Variants in PIK3C2G observed in about 807,000 individuals in gnomAD.
PIK3C2G encodes phosphatidylinositol-4-phosphate 3-kinase catalytic subunit type 2 gamma.
Under a neutral mutation model 181.1 loss-of-function variants are expected in PIK3C2G, and 168 were observed. That is an observed-to-expected ratio of 0.93 (90% CI 0.82 to 1.05). PIK3C2G has a LOEUF of 1.05. Ranked by LOEUF, PIK3C2G falls within the 50% of genes least tolerant of loss-of-function variation. PIK3C2G has a pLI of 0.00. For synonymous variants in PIK3C2G, 573 were observed against 592.2 expected (o/e 0.97, Z 0.47); for missense variants, 1,869 against 1,732.8 (o/e 1.08, Z -1.40).
At chr12:18,443,473 A>G (rs773774661) in intron 18 of PIK3C2G, among the ~76,000 whole-genome samples, 1 of 152,076 alleles carries the variant, frequency 6.6e-6, no homozygotes, top group Non-Finnish European at 1.5e-5. Context: ...TTCATTTTAC[A>G]GCACACAGGA....
chr12:18,297,359 G>T (rs1290451581), intron 5 of PIK3C2G, among the ~76,000 whole-genome samples: 2 of 151,990 alleles, frequency 1.3e-5, no homozygotes, highest in African/African-American at 4.8e-5. Context: ...AACCACTCCA[G>T]TGATTTGTTT....
chr12:18,275,734 C>T (rs1186181546), intron 1 of PIK3C2G, among the ~76,000 whole-genome samples: 2 of 152,128 alleles, frequency 1.3e-5, no homozygotes, highest in Non-Finnish European at 2.9e-5. Flanking sequence ...TTGGCCTTGG[C>T]TTTGCCAAAT....
At chr12:18,440,994 G>T (rs1188639278) in intron 18 of PIK3C2G, among the ~76,000 whole-genome samples, 2 of 152,070 alleles carry the variant, frequency 1.3e-5, no homozygotes, top group East Asian at 1.9e-4. Flanking sequence ...GAAAGGAAAA[G>T]AAGTCCAAAT....
intron 31 of PIK3C2G, among the ~76,000 whole-genome samples, chr12:18,623,717 C>T (rs1208496264): frequency 6.6e-6 from 1 of 151,540 alleles, no homozygotes; most frequent in Non-Finnish European, 1.5e-5. Context: ...AAATTTTTTC[C>T]ATTAATGTTT....
the PIK3C2G span, among the ~76,000 whole-genome samples, chr12:18,706,244 A>T: frequency 7.3e-6 from 1 of 136,582 alleles, no homozygotes; most frequent in Admixed American, 7.2e-5. Context: ...AAATAAAAAT[A>T]AAAAAAAAAA....
At chr12:18,547,725 G>T (rs537980319) in intron 26 of PIK3C2G, among the ~76,000 whole-genome samples, 1 of 152,080 alleles carries the variant, frequency 6.6e-6, no homozygotes, top group Admixed American at 6.6e-5. Flanking sequence ...GAGTCCAGCA[G>T]GTTGTCTTAG....
At chr12:18,440,644 A>G (rs1292314824) in intron 18 of PIK3C2G, among the ~76,000 whole-genome samples, 2 of 152,064 alleles carry the variant, frequency 1.3e-5, no homozygotes, top group African/African-American at 4.8e-5. Flanking sequence ...TGTTGGGAGG[A>G]CAACAATGGG....
chr12:18,284,355 C>A (rs1345998774), intron 2 of PIK3C2G, among the ~76,000 whole-genome samples: 1 of 151,830 alleles, frequency 6.6e-6, no homozygotes, highest in Non-Finnish European at 1.5e-5. Flanking sequence ...CTAACAACAA[C>A]AAAAATTCAG....
the PIK3C2G span, among the ~76,000 whole-genome samples, chr12:18,689,065 G>A: frequency 6.6e-6 from 1 of 152,100 alleles, no homozygotes; most frequent in Admixed American, 6.6e-5. Flanking sequence ...TACGGCATTA[G>A]CTAGAAGCCA....
chr12:18,516,880 T>G (rs1001020767), intron 24 of PIK3C2G, among the ~76,000 whole-genome samples: 2 of 151,988 alleles, frequency 1.3e-5, no homozygotes, highest in Non-Finnish European at 2.9e-5. Context: ...TTTATTTATA[T>G]TTTTTAAACA....
Position 18,442,786 on chromosome 12 carries a change from C to T in PIK3C2G, c.2504+18747C>T, listed in dbSNP as rs1486131629. 3.3e-5 allele frequency among the ~76,000 whole-genome samples: 5 copies of T among 152,080 alleles called. No individual in the cohort carries two copies. In the East Asian group the frequency reaches 5.8e-4, roughly 18 times the overall value. On this transcript the variant is annotated intron_variant, in intron 18 of 32. Coordinates refer to ENST00000538779, the MANE Select transcript of PIK3C2G (RefSeq NM_001288772.2). ...CTTTTAAAATGATTAGAAAATTATG[C>T]ATCTTTTTATGCATACATTTTTATA... is the stretch of plus-strand genomic sequence containing the variant.
upstream of PIK3C2G, among the ~76,000 whole-genome samples, chr12:18,247,010 A>G (rs907978727): frequency 7.9e-5 from 4 of 50,420 alleles, no homozygotes; most frequent in Admixed American, 4.0e-4. Flanking sequence ...AAGGAAAATC[A>G]TATGTTATAT....
At position 18,423,892 on chromosome 12, in the gene PIK3C2G, T is replaced by C. The variant is rs1945631949; in HGVS notation, c.2410-53T>C. 7.4e-6 allele frequency: 8 copies of C among 1,079,006 alleles called. 1 individual carries two copies. Among genetic ancestry groups the C allele is most frequent in the Non-Finnish European group, 1.1e-5 (8 of 709,194 alleles). 66.8% of individuals were successfully genotyped at this position (1,079,006 alleles called of 1,614,324 possible). The stretch of plus-strand genomic sequence containing the variant: ...CTCAAGCCTCTGAAGTCCCTCTGTA[T>C]TCTGCTATAATTTTGTTACTGAGAA... On this transcript the variant is annotated intron_variant, in intron 17 of 32. Transcript: ENST00000538779.
chr12:18,582,064 G>T (rs1946527818), intron 29 of PIK3C2G, among the ~76,000 whole-genome samples: 1 of 152,116 alleles, frequency 6.6e-6, no homozygotes, highest in Non-Finnish European at 1.5e-5. Context: ...AGCAAAAATG[G>T]GTATGATTAG....
At chr12:18,684,177 T>C in the PIK3C2G span, 6 of 1,612,146 alleles carry the variant, frequency 3.7e-6, no homozygotes, top group South Asian at 3.3e-5. Context: ...AAGAAATTCA[T>C]TTCCTGCTAT....
At position 18,648,094 on chromosome 12, in the gene PIK3C2G, A is replaced by G; in HGVS notation, c.*66A>G. 4 of 990,242 alleles carry G rather than the reference A, an allele frequency of 4.0e-6. No homozygotes were observed. Among genetic ancestry groups the G allele is most frequent in the Non-Finnish European group, 5.7e-6 (4 of 696,654 alleles). 61.3% of individuals were successfully genotyped at this position (990,242 alleles called of 1,614,324 possible). On this transcript the variant is annotated 3_prime_UTR_variant, in exon 33 of 33. Transcript: ENST00000538779. ...ATTTTTTTCACTTCTGGGCCTCTGAATCACATAAGTAAGGCATCTTTGTTG... is the reference window on the plus strand; with the variant it reads ...ATTTTTTTCACTTCTGGGCCTCTGAGTCACATAAGTAAGGCATCTTTGTTG...
At chr12:18,318,188 T>C (rs1254119781) in intron 6 of PIK3C2G, among the ~76,000 whole-genome samples, 2 of 152,208 alleles carry the variant, frequency 1.3e-5, no homozygotes, top group African/African-American at 2.4e-5. Flanking sequence ...TCACAATTTT[T>C]CTTGTAAGCT....
the PIK3C2G span, among the ~76,000 whole-genome samples, chr12:18,669,964 G>A: frequency 6.6e-6 from 1 of 151,946 alleles, no homozygotes. Flanking sequence ...CACCGCGCCC[G>A]GCCCTCTTCC....
the PIK3C2G span, chr12:18,696,163 T>C: frequency 6.5e-7 from 1 of 1,543,962 alleles, no homozygotes; most frequent in South Asian, 1.1e-5. Context: ...TTTGACAACC[T>C]ATATTCCAAA....
Sources: gnomAD v4.1 joint callset for allele counts (sites outside exome capture counted in the v4.1 genomes callset) on GRCh38, gnomAD v4.1.1 for gene constraint, MANE v1.5 for transcripts, NCBI Gene and HGNC (gene_info 2026-07-23, HGNC 2026-07-21) for gene names.